CSMD2: variants seen among roughly 807,000 people sequenced by gnomAD.
The protein encoded by CSMD2 is CUB and Sushi multiple domains 2.
In CSMD2, 130 loss-of-function variants were observed where a neutral mutation model predicts 398.5. The observed-to-expected ratio is 0.33, with a 90% CI of 0.28 to 0.38. CSMD2 has a LOEUF of 0.38. CSMD2 is among the 10% of genes least tolerant of loss of function. The pLI is 1.00. For missense variants in CSMD2, 3,829 were observed against 4,764.9 expected (o/e 0.80, Z 5.78); for synonymous variants, 1,828 against 1,908.5 (o/e 0.96, Z 1.10).
intron 1 of CSMD2, among the ~76,000 whole-genome samples, chr1:34,161,004 A>G (rs1423898937): frequency 6.6e-6 from 1 of 152,208 alleles, no homozygotes; most frequent in African/African-American, 2.4e-5. Flanking sequence ...GGAAGGCATG[A>G]TAGCTTTTTC....
chr1:33,577,151 C>T, intron 49 of CSMD2, 145 bp downstream of exon 49: 1 of 759,812 alleles, frequency 1.3e-6, no homozygotes. Flanking sequence ...TTGCTACGCA[C>T]TACAGATCTT....
chr1:33,547,064 G>A (rs1557515592), intron 56 of CSMD2, among the ~76,000 whole-genome samples: 1 of 152,082 alleles, frequency 6.6e-6, no homozygotes, highest in Non-Finnish European at 1.5e-5. Flanking sequence ...CTTTCATTAA[G>A]GATTCCCTAC....
At chr1:33,889,753 C>CTG (rs55771161) in intron 5 of CSMD2, among the ~76,000 whole-genome samples, 5,717 of 148,110 alleles carry the variant, frequency 0.039, 300 homozygotes, top group African/African-American at 0.12. Context: ...ACCTCCTATC[C>CTG]TGTGTGTGTG....
chr1:33,984,703 G>A (rs1412680191), intron 3 of CSMD2, among the ~76,000 whole-genome samples: 1 of 152,066 alleles, frequency 6.6e-6, no homozygotes, highest in East Asian at 1.9e-4. Context: ...GGATCCCTTG[G>A]GTCCAGAAGT....
chr1:33,743,362 G>C lies in CSMD2; in HGVS notation c.2091C>G (p.Ile697Met), dbSNP rs1311078163. 4 of 1,614,058 alleles carry C rather than the reference G, an allele frequency of 2.5e-6. No homozygotes were observed. The highest frequency in any genetic ancestry group is 3.4e-6 in the Non-Finnish European group (4 of 1,180,030). Residue 697 changes from isoleucine to methionine, a missense_variant, in exon 14 of 71, where the codon ATC becomes ATG. By Grantham distance (10) the Ile-to-Met change is conservative. Around this residue, in one of 5 missense-constraint regions of CSMD2, gnomAD observed 2,001 missense variants for 2,567.1 expected, o/e 0.78. Transcript: ENST00000373381. ...TFSGNQLPSSITSSGHVARLE... is the reference protein window; with the variant it reads ...TFSGNQLPSSMTSSGHVARLE... ...GACGGGCCACGTGGCCACTGCTTGT[G>C]ATGGAGGAGGGAAGCTGGTTTCCTG...
intron 3 of CSMD2, among the ~76,000 whole-genome samples, chr1:33,946,593 G>A (rs1644843918): frequency 6.6e-6 from 1 of 151,672 alleles, no homozygotes; most frequent in Non-Finnish European, 1.5e-5. Context: ...AGGACAAAGA[G>A]ATACCTTCTT....
intron 55 of CSMD2, among the ~76,000 whole-genome samples, chr1:33,554,418 C>T (rs1657766356): frequency 1.3e-5 from 2 of 152,042 alleles, no homozygotes; most frequent in Non-Finnish European, 1.5e-5. Context: ...TGGTCTGAAT[C>T]TCCTGATCTT....
At chr1:33,809,389 A>G (rs1656597481) in intron 10 of CSMD2, among the ~76,000 whole-genome samples, 1 of 152,056 alleles carries the variant, frequency 6.6e-6, no homozygotes, top group Admixed American at 6.5e-5. Flanking sequence ...CTATACTAAG[A>G]GAATAAAGGA....
At position 33,726,670 on chromosome 1, in the gene CSMD2, T is replaced by G. The variant is rs1571357813; in HGVS notation, c.2384A>C (p.His795Pro). ...VLRCEAPCGG[H>P]LTSPSGTILS... ...GATGGTGCCGCTGGGCGAAGTCAGGTGACCACCACAGGGAGCTGGGGGGAC... is the reference window on the plus strand; with the variant it reads ...GATGGTGCCGCTGGGCGAAGTCAGGGGACCACCACAGGGAGCTGGGGGGAC... The change falls in exon 16 of 71, where the codon CAC (histidine) becomes CCC (proline). Residue 795 changes from histidine to proline, a missense_variant. His to Pro is a moderately conservative substitution (Grantham distance 77). This residue lies in a region of CSMD2 where 2,001 missense variants were observed against 2,567.1 expected (regional missense o/e 0.78). Coordinates refer to ENST00000373381, the MANE Select transcript of CSMD2 (RefSeq NM_001281956.2). 6.2e-7 allele frequency: 1 copy of G among 1,611,776 alleles called. No individual in the cohort carries two copies. Among genetic ancestry groups the G allele is most frequent in the East Asian group, 2.2e-5 (1 of 44,846 alleles).
chr1:33,739,083 C>T, intron 15 of CSMD2, 57 bp downstream of exon 15: 1 of 1,539,600 alleles, frequency 6.5e-7, no homozygotes, highest in Non-Finnish European at 8.8e-7. Context: ...TGCTTGCTCC[C>T]CCTCCCCAGC....
At chr1:33,652,609 G>T in intron 27 of CSMD2, 148 bp from the exon 28 acceptor site, 1 of 798,322 alleles carries the variant, frequency 1.3e-6, no homozygotes, top group Non-Finnish European at 2.0e-6. Flanking sequence ...AAGGTGAAAT[G>T]ATGGACTTCT....
At chr1:34,083,076 A>G (rs183611144) in intron 2 of CSMD2, among the ~76,000 whole-genome samples, 13 of 148,686 alleles carry the variant, frequency 8.7e-5, no homozygotes, top group Non-Finnish European at 5.9e-5. Flanking sequence ...AAATACTAAA[A>G]AAATTAAAAA....
At chr1:33,888,756 TTTGTTGTTGTTG>T (rs140395748) in intron 5 of CSMD2, among the ~76,000 whole-genome samples, 1 of 148,822 alleles carries the variant, frequency 6.7e-6, no homozygotes, top group Non-Finnish European at 1.5e-5. Context: ...TCAACTGATT[TTTGTTGTTGTTG>T]TTGTTGTTGT....
chr1:34,081,203 C>T (rs1657061558), intron 2 of CSMD2, among the ~76,000 whole-genome samples: 1 of 152,102 alleles, frequency 6.6e-6, no homozygotes, highest in Non-Finnish European at 1.5e-5. Flanking sequence ...AAAAAAAATT[C>T]ACAAAGACCC....
At chr1:33,839,110 G>A (rs1660593506) in intron 6 of CSMD2, 1 of 152,212 alleles carries the variant, frequency 6.6e-6, no homozygotes, top group South Asian at 2.1e-4. Context: ...TCACAGTAAA[G>A]GACAGAAAAA....
At chr1:33,854,636 C>T (rs1638943235) in intron 5 of CSMD2, among the ~76,000 whole-genome samples, 1 of 152,218 alleles carries the variant, frequency 6.6e-6, no homozygotes, top group African/African-American at 2.4e-5. Flanking sequence ...CCCAAAGCAG[C>T]AACAGTGAGG....
intron 1 of CSMD2, 116 bp from the exon 2 acceptor site, chr1:34,089,309 G>T: frequency 1.0e-6 from 1 of 971,128 alleles, no homozygotes; most frequent in Non-Finnish European, 1.6e-6. Flanking sequence ...TGCTTCCCAT[G>T]AGCCAGCCCT....
chr1:33,677,242 G>A (rs948318742), intron 25 of CSMD2, among the ~76,000 whole-genome samples: 6 of 152,016 alleles, frequency 3.9e-5, no homozygotes, highest in African/African-American at 7.2e-5. Flanking sequence ...AGAATCTACA[G>A]TGAACTCAAA....
At chr1:33,557,263 CTACT>C (rs1361753450) in intron 55 of CSMD2, among the ~76,000 whole-genome samples, 1 of 152,082 alleles carries the variant, frequency 6.6e-6, no homozygotes, top group East Asian at 2.0e-4. Context: ...CCAAACCACA[CTACT>C]TGTTCAGTAG....
Sources: allele counts gnomAD v4.1 joint callset (sites outside exome capture counted in the v4.1 genomes callset), GRCh38; gene constraint gnomAD v4.1.1; regional missense constraint gnomAD v4.1.1; transcripts MANE v1.5; gene names NCBI Gene and HGNC (gene_info 2026-07-23, HGNC 2026-07-21).